Variants in LRBA observed in about 807,000 individuals in gnomAD.
LRBA encodes the protein LPS responsive beige-like anchor protein, also known as lipopolysaccharide-responsive and beige-like anchor protein.
LRBA carries 176 observed loss-of-function variants against 330.0 expected under a neutral mutation model. The ratio of observed to expected loss-of-function variants is 0.53; its 90% confidence interval spans 0.47 to 0.60. The LOEUF (loss-of-function observed/expected upper bound fraction) is 0.60, where lower values mean the gene tolerates loss of function less well. Ranked by LOEUF, LRBA falls within the 20% of genes least tolerant of loss-of-function variation. The pLI is 0.00. For missense variants in LRBA, 3,259 were observed against 3,444.8 expected, an observed-to-expected ratio of 0.95 and a Z score of 1.35; for synonymous variants, 1,230 against 1,193.0, an observed-to-expected ratio of 1.03 and a Z score of -0.64.
At chr4:150,418,341 GAC>G (rs1298958918) in intron 46 of LRBA, among the ~76,000 whole-genome samples, 1 of 151,876 alleles carries the variant, frequency 6.6e-6, no homozygotes, top group Admixed American at 6.6e-5. Flanking sequence ...CTTTAATATT[GAC>G]ACCTTAACCT....
At chr4:150,311,524 G>A (rs1264712152) in intron 51 of LRBA, among the ~76,000 whole-genome samples, 1 of 152,172 alleles carries the variant, frequency 6.6e-6, no homozygotes, top group South Asian at 2.1e-4. Flanking sequence ...ACTCTCCAGT[G>A]CTGTGCTGGG....
chr4:150,891,860 G>T (rs747475445), intron 17 of LRBA, among the ~76,000 whole-genome samples: 30 of 152,180 alleles, frequency 2.0e-4, no homozygotes, highest in Non-Finnish European at 4.0e-4. Flanking sequence ...TGTTATAGAA[G>T]ATCAATGTGT....
intron 40 of LRBA, among the ~76,000 whole-genome samples, chr4:150,507,922 T>C (rs556772824): frequency 1.7e-3 from 264 of 152,102 alleles, no homozygotes; most frequent in Admixed American, 3.9e-3. Flanking sequence ...TTCATGTCCT[T>C]TGTAGGGACA....
intron 36 of LRBA, among the ~76,000 whole-genome samples, chr4:150,691,047 A>G (rs937906442): frequency 1.3e-5 from 2 of 150,142 alleles, no homozygotes; most frequent in Non-Finnish European, 2.9e-5. Flanking sequence ...CTCCTGCCTC[A>G]GCCTCCCGAG....
intron 2 of LRBA, among the ~76,000 whole-genome samples, chr4:150,996,533 T>C (rs1000172798): frequency 3.3e-5 from 5 of 152,156 alleles, no homozygotes; most frequent in African/African-American, 1.2e-4. Context: ...CTGGTGGATA[T>C]CTTAAATACA....
chr4:150,585,632 A>G (rs1772020430), intron 40 of LRBA, among the ~76,000 whole-genome samples: 1 of 152,218 alleles, frequency 6.6e-6, no homozygotes, highest in African/African-American at 2.4e-5. Flanking sequence ...AGGTAACTAT[A>G]TACTCCATTC....
In LRBA at chr4:150,725,564, C is replaced by A. The variant is rs537412613; in HGVS notation, c.5754+9694G>T. Reference sequence around the variant, plus strand: ...GCTAAAGGATTTCATCAACACCAGGCGTGTCCTAAAAGAAATGCTAAAGGG... The same window carrying A: ...GCTAAAGGATTTCATCAACACCAGGAGTGTCCTAAAAGAAATGCTAAAGGG... On this transcript the variant is annotated intron_variant, in intron 36 of 56. Coordinates refer to ENST00000651943, the MANE Select transcript of LRBA (RefSeq NM_001364905.1). Among the ~76,000 whole-genome samples, 18 of 152,250 alleles carry A rather than the reference C, an allele frequency of 1.2e-4. 1 individual carries two copies. The South Asian group carries it at 1.7e-3, about 14-fold the overall frequency.
At chr4:150,805,587 A>AG (rs1560842797) in intron 33 of LRBA, among the ~76,000 whole-genome samples, 7 of 135,666 alleles carry the variant, frequency 5.2e-5, no homozygotes, top group African/African-American at 1.9e-4. Flanking sequence ...AAAGGAAAGG[A>AG]AAGGAAAGGA....
At chr4:150,898,763 C>T (rs981939738) in intron 14 of LRBA, among the ~76,000 whole-genome samples, 7 of 152,006 alleles carry the variant, frequency 4.6e-5, no homozygotes, top group Admixed American at 3.9e-4. Context: ...GGCGAGAATA[C>T]AAAACTAGCA....
intron 55 of LRBA, among the ~76,000 whole-genome samples, chr4:150,281,330 G>A (rs1747490478): frequency 6.6e-6 from 1 of 152,158 alleles, no homozygotes; most frequent in Non-Finnish European, 1.5e-5. Flanking sequence ...CCTCGTGGAG[G>A]CCGGCAGAAT....
chr4:150,509,378 A>G (rs1259088008), intron 40 of LRBA, among the ~76,000 whole-genome samples: 2 of 152,120 alleles, frequency 1.3e-5, no homozygotes, highest in African/African-American at 4.8e-5. Context: ...CACAATTTTA[A>G]AAAATTCTAG....
rs527646723 is a variant in LRBA at position 150,901,300 on chromosome 4, A to C, written c.1756-1083T>G. ...GGCAACAGAGACCCTGCCTCAAAAA[A>C]AACAAATTTTTTTTCAGTGAAATTA... On this transcript the variant is annotated intron_variant, in intron 13 of 56. Transcript: ENST00000651943. Among the ~76,000 whole-genome samples, 20 of 66,216 alleles carry C rather than the reference A, an allele frequency of 3.0e-4. 1 individual carries two copies. In the East Asian group the frequency reaches 6.2e-3, roughly 21 times the overall value. The allele number at this position is 66,216 out of a possible 152,430, so 43.4% of individuals were successfully genotyped here.
chr4:150,800,138 CAGA>C (rs1271833270), intron 33 of LRBA, among the ~76,000 whole-genome samples: 2 of 152,166 alleles, frequency 1.3e-5, no homozygotes, highest in Non-Finnish European at 2.9e-5. Context: ...GCTAACAAAC[CAGA>C]AGAAGGTTCA....
At chr4:150,673,644 A>T (rs562468251) in intron 37 of LRBA, among the ~76,000 whole-genome samples, 2 of 152,254 alleles carry the variant, frequency 1.3e-5, no homozygotes, top group South Asian at 4.2e-4. Context: ...TTTTTTTCTG[A>T]ATCAAATGAG....
intron 29 of LRBA, among the ~76,000 whole-genome samples, chr4:150,831,191 T>C (rs1037195162): frequency 4.0e-5 from 6 of 151,190 alleles, no homozygotes; most frequent in African/African-American, 1.5e-4. Flanking sequence ...TTACCATCTT[T>C]ATTACTTTCT....
At chr4:150,788,818 T>A (rs1161983489) in intron 34 of LRBA, among the ~76,000 whole-genome samples, 1 of 148,304 alleles carries the variant, frequency 6.7e-6, no homozygotes, top group Non-Finnish European at 1.5e-5. Context: ...CTCACGCCTA[T>A]AATCCCAGCA....
At chr4:151,014,365 T>TA in intron 2 of LRBA, 62 bp downstream of exon 2, 1 of 1,391,682 alleles carries the variant, frequency 7.2e-7, no homozygotes, top group Non-Finnish European at 1.0e-6. Flanking sequence ...GCTCCAGCTT[T>TA]AAGATCTTGT....
At chr4:150,828,893 G>A (rs547515214) in intron 29 of LRBA, among the ~76,000 whole-genome samples, 1 of 151,408 alleles carries the variant, frequency 6.6e-6, no homozygotes, top group Non-Finnish European at 1.5e-5. Flanking sequence ...TCATTGGCCT[G>A]TAAGAAAAAG....
chr4:150,315,780 TG>T (rs1731645226), intron 50 of LRBA, 157 bp from the exon 51 acceptor site: 1 of 586,538 alleles, frequency 1.7e-6, no homozygotes. Flanking sequence ...GGTGCTTTTA[TG>T]GCTAGCTTAT....
Sources: gnomAD v4.1 joint callset for allele counts (sites outside exome capture counted in the v4.1 genomes callset) on GRCh38, gnomAD v4.1.1 for gene constraint, MANE v1.5 for transcripts, NCBI Gene and HGNC (gene_info 2026-07-23, HGNC 2026-07-21) for gene names.